The following PSPC1 variants were observed in gnomAD, a reference collection of about 807,000 sequenced individuals.
PSPC1 encodes the protein paraspeckle component 1.
Under a neutral mutation model 51.6 loss-of-function variants are expected in PSPC1, and 14 were observed. The observed-to-expected ratio is 0.27, with a 90% CI of 0.18 to 0.42. The LOEUF is 0.42. PSPC1 is among the 10% of genes least tolerant of loss of function. PSPC1 has a pLI of 1.00. For synonymous variants in PSPC1, 193 were observed against 231.9 expected, an observed-to-expected ratio of 0.83 and a Z score of 1.53; for missense variants, 406 against 701.1, an observed-to-expected ratio of 0.58 and a Z score of 4.75.
chr13:19,674,925 TTGGG>T (rs1367948244), exon 8 of PSPC1: 1 of 152,190 alleles, frequency 6.6e-6, no homozygotes, highest in East Asian at 1.9e-4. Flanking sequence ...CACAGCAAAG[TTGGG>T]ATTTCTAGAC....
At position 19,691,496 on chromosome 13, in the gene PSPC1, TGAGTGACA is replaced by T. The variant is rs1187772843; in HGVS notation, c.1159-13681_1159-13674del. Among the ~76,000 whole-genome samples the T allele has an allele frequency of 2.0e-5, 3 of 152,130 alleles. No homozygotes were observed. The East Asian group carries it at 5.8e-4, about 29-fold the overall frequency. On this transcript the variant is annotated intron_variant and NMD_transcript_variant, in intron 6 of 7. Transcript: ENST00000471658. Reference sequence around the variant, plus strand: ...TATGATACACCACTGCACTCCAGCCTGAGTGACAGAGTGAGACCTTGTCTCGAAAAAAG... The same window carrying T: ...TATGATACACCACTGCACTCCAGCCTGAGTGAGACCTTGTCTCGAAAAAAG...
chr13:19,772,302 G>C lies in PSPC1; in HGVS notation c.614C>G (p.Ala205Gly), dbSNP rs762660132. ...ATGKGFVEFAAKPPARKALER... is the reference protein window; with the variant it reads ...ATGKGFVEFAGKPPARKALER... ...CAGAGCCTTTCGTGCAGGAGGTTTT[G>C]CTGCAAACTCTACAAAACCTTTTCC... is the stretch of plus-strand genomic sequence containing the variant. The change falls in exon 2 of 9, where the codon GCA becomes GGA. Residue 205 changes from alanine to glycine, a missense_variant. Around this residue, in one of 5 missense-constraint regions of PSPC1, gnomAD observed 180 missense variants for 337.9 expected, o/e 0.53. Coordinates refer to ENST00000338910, the MANE Select transcript of PSPC1 (RefSeq NM_001354909.2). 6.2e-7 allele frequency: 1 copy of C among 1,614,214 alleles called. No homozygotes were observed. Among genetic ancestry groups the C allele is most frequent in the East Asian group, 2.2e-5 (1 of 44,892 alleles).
intron 5 of PSPC1, among the ~76,000 whole-genome samples, chr13:19,733,922 C>G (rs1317721866): frequency 6.6e-6 from 1 of 151,910 alleles, no homozygotes; most frequent in Non-Finnish European, 1.5e-5. Context: ...CACTGCACTC[C>G]ATTCTGGGTG....
chr13:19,766,287 C>G (rs1406474581), intron 2 of PSPC1, among the ~76,000 whole-genome samples: 1 of 152,112 alleles, frequency 6.6e-6, no homozygotes, highest in Non-Finnish European at 1.5e-5. Flanking sequence ...GCACATGAAT[C>G]GCTTGAATCC....
At chr13:19,714,455 T>TA (rs1221817426) in intron 6 of PSPC1, among the ~76,000 whole-genome samples, 2 of 151,706 alleles carry the variant, frequency 1.3e-5, no homozygotes, top group African/African-American at 2.4e-5. Context: ...CATGCATGGG[T>TA]AAAAAATCCA....
intron 4 of PSPC1, among the ~76,000 whole-genome samples, chr13:19,747,002 A>G (rs779359607): frequency 6.6e-5 from 10 of 151,984 alleles, no homozygotes; most frequent in Non-Finnish European, 1.5e-4. Flanking sequence ...CAGCTACTCA[A>G]GAGGCTGAGG....
At chr13:19,734,238 A>T (rs1884487829) in intron 5 of PSPC1, among the ~76,000 whole-genome samples, 1 of 152,208 alleles carries the variant, frequency 6.6e-6, no homozygotes, top group Admixed American at 6.5e-5. Flanking sequence ...TCACAAATGG[A>T]ACTACTAAGG....
rs966177095 is a variant in PSPC1 at position 19,706,196 on chromosome 13, T to C, written c.1217-365A>G. The stretch of plus-strand genomic sequence containing the variant: ...CCAGTTTAAATGAGTAACAAAGGAT[T>C]AGCACTTACAAAACCACTTAATTTT... On this transcript the variant is annotated intron_variant, in intron 7 of 8. Transcript: ENST00000338910. 5.3e-5 allele frequency among the ~76,000 whole-genome samples: 8 copies of C among 152,190 alleles called. No individual in the cohort carries two copies. The East Asian group carries it at 1.2e-3, about 22-fold the overall frequency.
chr13:19,718,917 AAAACT>A (rs1398675821), intron 6 of PSPC1, among the ~76,000 whole-genome samples: 1 of 152,268 alleles, frequency 6.6e-6, no homozygotes, highest in Non-Finnish European at 1.5e-5. Flanking sequence ...CATTCTGGAA[AAAACT>A]AAACTATGGA....
chr13:19,779,907 GGTGGGGGT>G (rs1889718674), intron 1 of PSPC1, among the ~76,000 whole-genome samples: 1 of 132,816 alleles, frequency 7.5e-6, no homozygotes. Context: ...CCGGGAGGGA[GGTGGGGGT>G]GTCGGCCCCC....
intron 8 of PSPC1, among the ~76,000 whole-genome samples, chr13:19,705,312 G>A (rs1333166581): frequency 6.6e-6 from 1 of 152,194 alleles, no homozygotes; most frequent in Non-Finnish European, 1.5e-5. Context: ...GGCCAACATA[G>A]TGAAACCCTG....
chr13:19,723,767 A>G (rs752687324), intron 6 of PSPC1, among the ~76,000 whole-genome samples: 2 of 152,256 alleles, frequency 1.3e-5, no homozygotes, highest in Non-Finnish European at 2.9e-5. Flanking sequence ...GTTAAGTTAC[A>G]ATTATGTACC....
intron 5 of PSPC1, among the ~76,000 whole-genome samples, chr13:19,739,862 TAA>T (rs1005642453): frequency 2.7e-3 from 347 of 129,326 alleles, no homozygotes; most frequent in African/African-American, 9.3e-3. Flanking sequence ...GAGAGTTGTT[TAA>T]AAAAAAAAAA....
intron 2 of PSPC1, among the ~76,000 whole-genome samples, chr13:19,767,483 T>C (rs1013795735): frequency 1.3e-5 from 2 of 152,042 alleles, no homozygotes; most frequent in East Asian, 1.9e-4. Flanking sequence ...GACAGCACCA[T>C]ACAATAAGCA....
At chr13:19,721,133 C>T (rs1420500130) in intron 6 of PSPC1, among the ~76,000 whole-genome samples, 1 of 152,136 alleles carries the variant, frequency 6.6e-6, no homozygotes, top group Non-Finnish European at 1.5e-5. Flanking sequence ...ATCTTAGATA[C>T]TGACTAGCCT....
At chr13:19,759,603 G>A (rs1288904981) in intron 2 of PSPC1, among the ~76,000 whole-genome samples, 185 bp from the exon 3 acceptor site, 1 of 152,186 alleles carries the variant, frequency 6.6e-6, no homozygotes, top group Non-Finnish European at 1.5e-5. Flanking sequence ...GCTCACGCCT[G>A]TAATCCCAGT....
chr13:19,776,326 TGTG>T (rs1158709501), intron 1 of PSPC1, among the ~76,000 whole-genome samples: 1 of 151,812 alleles, frequency 6.6e-6, no homozygotes, highest in Non-Finnish European at 1.5e-5. Context: ...ATTAGCTGGG[TGTG>T]GTGGTGTGTG....
intron 6 of PSPC1, among the ~76,000 whole-genome samples, chr13:19,687,342 T>A (rs942445478): frequency 1.3e-5 from 2 of 152,182 alleles, no homozygotes; most frequent in African/African-American, 4.8e-5. Flanking sequence ...AGTACAAGAC[T>A]CAAACTCACC....
intron 1 of PSPC1, among the ~76,000 whole-genome samples, chr13:19,779,734 G>T (rs1216402501): frequency 9.1e-6 from 1 of 110,342 alleles, no homozygotes; most frequent in African/African-American, 3.6e-5. Context: ...AGGGAGGTGG[G>T]GGGGGGTCAG....
Sources: allele counts gnomAD v4.1 joint callset (sites outside exome capture counted in the v4.1 genomes callset), GRCh38; gene constraint gnomAD v4.1.1; regional missense constraint gnomAD v4.1.1; transcripts MANE v1.5; gene names NCBI Gene and HGNC (gene_info 2026-07-23, HGNC 2026-07-21).